Variants in EYS observed in about 807,000 individuals in gnomAD.
EYS encodes the protein EGF-like photoreceptor maintenance factor.
In EYS, 250 loss-of-function variants were observed where a neutral mutation model predicts 282.1. That is an observed-to-expected ratio of 0.89 (90% CI 0.80 to 0.98). EYS has a LOEUF of 0.98. Ranked by LOEUF, EYS falls within the 50% of genes least tolerant of loss-of-function variation. The pLI, the probability that EYS is intolerant of heterozygous loss-of-function variation, is 0.00. For synonymous variants in EYS, 1,355 were observed against 1,282.9 expected (o/e 1.06, Z -1.20); for missense variants, 4,016 against 3,709.0 (o/e 1.08, Z -2.15).
intron 37 of EYS, among the ~76,000 whole-genome samples, chr6:63,790,087 G>A (rs936432133): frequency 6.6e-6 from 1 of 152,212 alleles, no homozygotes; most frequent in African/African-American, 2.4e-5. Flanking sequence ...CTGAGGCAAA[G>A]ACTTCTGCTT....
At position 64,868,153 on chromosome 6, in the gene EYS, A is replaced by T. The variant is rs544435695; in HGVS notation, c.2992+18544T>A. On this transcript the variant is annotated intron_variant, in intron 19 of 42. Transcript: ENST00000503581. ...TTAAATTATATTTTTATTTTAAAAAATCACTTCAAGTCTTCTGATGTTAGT... is the reference window on the plus strand; with the variant it reads ...TTAAATTATATTTTTATTTTAAAAATTCACTTCAAGTCTTCTGATGTTAGT... Among the ~76,000 whole-genome samples, 73 of 151,584 alleles carry T rather than the reference A, an allele frequency of 4.8e-4. 1 individual carries two copies. In the East Asian group the frequency reaches 0.011, roughly 22 times the overall value.
At chr6:64,575,995 TTTCTA>T (rs1765868171) in intron 26 of EYS, among the ~76,000 whole-genome samples, 1 of 152,090 alleles carries the variant, frequency 6.6e-6, no homozygotes, top group Admixed American at 6.6e-5. Flanking sequence ...TCATAGAACT[TTTCTA>T]AAGACAAAGA....
chr6:63,849,341 G>A (rs543265647), intron 36 of EYS, among the ~76,000 whole-genome samples: 83 of 152,174 alleles, frequency 5.5e-4, no homozygotes, highest in Non-Finnish European at 1.1e-3. Context: ...GCTTTGCTAA[G>A]GGACAGACTA....
intron 31 of EYS, among the ~76,000 whole-genome samples, chr6:64,154,156 C>A (rs1774835375): frequency 1.3e-5 from 2 of 152,044 alleles, no homozygotes; most frequent in African/African-American, 2.4e-5. Flanking sequence ...TTGAAAATTG[C>A]CAGGCTGGGA....
chr6:63,953,463 G>A (rs1233406911), intron 35 of EYS, among the ~76,000 whole-genome samples: 2 of 151,990 alleles, frequency 1.3e-5, no homozygotes, highest in Non-Finnish European at 1.5e-5. Flanking sequence ...TTCCTCATCT[G>A]TTACGTATCT....
chr6:64,163,172 T>A (rs11966852), intron 31 of EYS, among the ~76,000 whole-genome samples: 8,587 of 152,128 alleles, frequency 0.056, 808 homozygotes, highest in African/African-American at 0.19. Flanking sequence ...AGCCTATAAA[T>A]AGTTTTCTAG....
At chr6:64,557,389 G>T (rs1409012556) in intron 26 of EYS, among the ~76,000 whole-genome samples, 1 of 151,868 alleles carries the variant, frequency 6.6e-6, no homozygotes, top group Admixed American at 6.6e-5. Flanking sequence ...TCTTTTCAAT[G>T]TTAAAATATA....
rs533555932 is a variant in EYS, at chr6:65,627,806, C to T, written c.-333+11972G>A. On this transcript the variant is annotated intron_variant, in intron 2 of 42. Transcript: ENST00000503581. ...GGGGTAGGGCTCGGGACCTGCAGCC[C>T]GCCATGCCTGAGCCTCCCACCCACT... 8.5e-5 allele frequency among the ~76,000 whole-genome samples: 13 copies of T among 152,324 alleles called. 1 individual carries two copies. In the South Asian group the frequency reaches 1.2e-3, roughly 15 times the overall value.
At chr6:65,475,179 T>C (rs771911068) in intron 5 of EYS, among the ~76,000 whole-genome samples, 2 of 152,128 alleles carry the variant, frequency 1.3e-5, no homozygotes, top group Admixed American at 6.6e-5. Context: ...ATGGTTATTG[T>C]ATTTATTTTC....
At chr6:63,959,343 A>G (rs142009204) in intron 35 of EYS, among the ~76,000 whole-genome samples, 2 of 152,186 alleles carry the variant, frequency 1.3e-5, no homozygotes, top group Non-Finnish European at 2.9e-5. Context: ...AATAGTGATT[A>G]TTAAAAAGTC....
At chr6:64,429,545 C>T (rs993029660) in intron 28 of EYS, among the ~76,000 whole-genome samples, 5 of 152,148 alleles carry the variant, frequency 3.3e-5, no homozygotes, top group African/African-American at 7.2e-5. Context: ...GAAGGAGAAT[C>T]GCTTAAATCA....
rs892767826 is a variant in EYS at position 63,762,708 on chromosome 6, C to G, written c.7899-75G>C. On this transcript the variant is annotated intron_variant, in intron 40 of 42. Transcript: ENST00000503581. ...ATACATACTATGTATTGCCCTGATGCTAACTTGTCAATTTTAACTGAAGTT... is the reference window on the plus strand; with the variant it reads ...ATACATACTATGTATTGCCCTGATGGTAACTTGTCAATTTTAACTGAAGTT... The G allele has an allele frequency of 2.3e-6, 3 of 1,329,790 alleles. No homozygotes were observed. In the Admixed American group the frequency reaches 8.9e-5, roughly 39 times the overall value. 82.4% of individuals were successfully genotyped at this position (1,329,790 alleles called of 1,614,324 possible).
intron 22 of EYS, among the ~76,000 whole-genome samples, chr6:64,790,019 C>T (rs1297715294): frequency 6.6e-6 from 1 of 151,622 alleles, no homozygotes; most frequent in East Asian, 1.9e-4. Context: ...CAAATAAATC[C>T]TTATAAAAAC....
In EYS at chr6:65,490,717, T is replaced by G. The variant is rs1181738085; in HGVS notation, c.749-10A>C. ...TCTGAGCAATTCTTTCCTATAACAA[T>G]GAAAAAAAGTTTTTTTTACATTGGA... On this transcript the variant is annotated splice_polypyrimidine_tract_variant and intron_variant, in intron 4 of 42. Coordinates refer to ENST00000503581, the MANE Select transcript of EYS (RefSeq NM_001142800.2). The G allele has an allele frequency of 6.3e-7, 1 of 1,577,294 alleles. No individual in the cohort carries two copies. Among genetic ancestry groups the G allele is most frequent in the Admixed American group, 1.7e-5 (1 of 59,796 alleles).
At chr6:65,594,493 T>C (rs1179744899) in intron 2 of EYS, among the ~76,000 whole-genome samples, 2 of 151,918 alleles carry the variant, frequency 1.3e-5, no homozygotes, top group East Asian at 3.9e-4. Flanking sequence ...AGTAGAGACA[T>C]TTTCCTTTTT....
In EYS at chr6:64,343,163, C is replaced by T. The variant is rs547599885; in HGVS notation, c.6079-36081G>A. On this transcript the variant is annotated intron_variant, in intron 29 of 42. Coordinates refer to ENST00000503581, the MANE Select transcript of EYS (RefSeq NM_001142800.2). ...ACAGATAAATGAGACAGAAAGTTAA[C>T]AACAATACCCAGGAATTGAACTCAG... 2.0e-4 allele frequency among the ~76,000 whole-genome samples: 30 copies of T among 152,156 alleles called. No individual in the cohort carries two copies. In the South Asian group the frequency reaches 5.8e-3, roughly 29 times the overall value.
At chr6:64,768,991 G>A (rs1274902719) in intron 22 of EYS, among the ~76,000 whole-genome samples, 1 of 152,030 alleles carries the variant, frequency 6.6e-6, no homozygotes, top group Non-Finnish European at 1.5e-5. Flanking sequence ...TTGCTTCCTT[G>A]AGTCACCTTG....
At chr6:65,416,614 T>G in intron 5 of EYS, among the ~76,000 whole-genome samples, 1 of 152,028 alleles carries the variant, frequency 6.6e-6, no homozygotes, top group East Asian at 1.9e-4. Flanking sequence ...AAAAGATTAT[T>G]TTAGACCATT....
chr6:65,066,760 T>C (rs1044530830), intron 12 of EYS, among the ~76,000 whole-genome samples: 1 of 152,170 alleles, frequency 6.6e-6, no homozygotes, highest in Non-Finnish European at 1.5e-5. Context: ...TTGCTAATCA[T>C]GCACTAATCT....
Sources: gnomAD v4.1 joint callset for allele counts (sites outside exome capture counted in the v4.1 genomes callset) on GRCh38, gnomAD v4.1.1 for gene constraint, MANE v1.5 for transcripts, NCBI Gene and HGNC (gene_info 2026-07-23, HGNC 2026-07-21) for gene names.